Variants in CRH observed in about 807,000 individuals in gnomAD.
The protein encoded by CRH is corticotropin-releasing hormone.
A neutral mutation model predicts 11.1 loss-of-function variants in CRH; 6 were observed. The ratio of observed to expected loss-of-function variants is 0.54; its 90% CI spans 0.30 to 1.07. The LOEUF is 1.07. CRH is among the 50% of genes least tolerant of loss of function. The probability of loss-of-function intolerance (pLI) is 0.07; values close to 1 mark genes in which losing one functional copy is unlikely to be tolerated. For missense variants in CRH, 289 were observed against 269.4 expected (o/e 1.07, Z -0.51); for synonymous variants, 155 against 132.0 (o/e 1.17, Z -1.19).
rs1181971086 is a variant in CRH, at chr8:66,177,288, C to A, written c.190G>T (p.Val64Phe). ...TACTCCTCTCCCATGCGGAGCAGGA[C>A]CGGCCGAGCCTGCGGCTGCTGGGGC... ...EQPQQPQARP[V>F]LLRMGEEYFL... Residue 64 changes from valine (V) to phenylalanine (F), a missense_variant, in exon 2 of 2, where the codon GTC becomes TTC. Physicochemically the swap from Val to Phe is conservative, Grantham distance 50. Coordinates refer to ENST00000276571, the MANE Select transcript of CRH (RefSeq NM_000756.4). 2 of 1,551,648 alleles carry A rather than the reference C, an allele frequency of 1.3e-6. No homozygotes were observed. The highest frequency in any genetic ancestry group is 1.7e-6 in the Non-Finnish European group (2 of 1,152,892).
In CRH at chr8:66,177,365, G is replaced by A. The variant is rs1453457820; in HGVS notation, c.113C>T (p.Pro38Leu). 2 of 1,543,714 alleles carry A rather than the reference G, an allele frequency of 1.3e-6. No individual in the cohort carries two copies. Among genetic ancestry groups the A allele is most frequent in the Non-Finnish European group, 1.7e-6 (2 of 1,148,956 alleles). Residue 38 changes from proline to leucine, a missense_variant, in exon 2 of 2, where the codon CCG becomes CTG. Pro to Leu is a moderately conservative substitution (Grantham distance 98, BLOSUM62 -3). This residue lies in a region of CRH where 261 missense variants were observed against 219.0 expected (regional missense o/e 1.19). Coordinates refer to ENST00000276571, the MANE Select transcript of CRH (RefSeq NM_000756.4). ...GAAATCCAAGGGCTGAGGGTGCTGC[G>A]GCGCCTGCCGAGCTCCCGGGACCGG... ...RGPVPGARQA[P>L]QHPQPLDFFQ... is the part of the protein sequence containing the mutation.
At position 66,176,723 on chromosome 8, in the gene CRH, G is replaced by A; in HGVS notation, c.*164C>T. Reference sequence around the variant, plus strand: ...GCTGCTGCACGTGAATACACTTTGTGCATGCTAAGTAAGGGGTATAGGCTC... The same window carrying A: ...GCTGCTGCACGTGAATACACTTTGTACATGCTAAGTAAGGGGTATAGGCTC... On this transcript the variant is annotated 3_prime_UTR_variant, in exon 2 of 2. Coordinates refer to ENST00000276571, the MANE Select transcript of CRH (RefSeq NM_000756.4). The A allele has an allele frequency of 3.9e-6, 3 of 770,680 alleles. No homozygotes were observed. Among genetic ancestry groups the A allele is most frequent in the Non-Finnish European group, 5.6e-6 (3 of 532,204 alleles). The allele number at this position is 770,680 out of a possible 1,614,324, so 47.7% of individuals were successfully genotyped here. A position where few individuals can be genotyped will look rare whatever the true frequency, so the allele number is the denominator to read the frequency against.
Position 66,177,109 on chromosome 8 carries a change from C to A in CRH, c.369G>T (p.Arg123=). The change falls in exon 2 of 2, where the codon CGG becomes CGT. Residue 123 remains arginine, a synonymous_variant. Transcript: ENST00000276571. ...GAGCCGCGGGGCTGTCGAGCGAGCG[C>A]CGAGGCAGCAGCAGCTGCTGCAGCA... ...RVLLQQLLLP[R]RSLDSPAALA... The A allele has an allele frequency of 6.3e-7, 1 of 1,575,286 alleles. No individual in the cohort carries two copies. The highest frequency in any genetic ancestry group is 2.3e-5 in the East Asian group (1 of 43,030).
intron 1 of CRH, among the ~76,000 whole-genome samples, chr8:66,178,007 T>G (rs1422482486): frequency 6.6e-6 from 1 of 152,146 alleles, no homozygotes; most frequent in Non-Finnish European, 1.5e-5. Flanking sequence ...AAGGAGCAAC[T>G]GGCAGCACGG....
chr8:66,178,213 G>A lies in CRH; in HGVS notation c.-15+80C>T, dbSNP rs558858422. The A allele has an allele frequency of 1.2e-3, 177 of 152,760 alleles. 1 individual carries two copies. The highest frequency in any genetic ancestry group is 4.1e-3 in the South Asian group (20 of 4,846). 9.5% of individuals were successfully genotyped at this position (152,760 alleles called of 1,614,324 possible). ...ATGCATACACACGTACACAGGCAGG[G>A]GCAGCCGGCTCCGCGGCGCACATCG... On this transcript the variant is annotated intron_variant, in intron 1 of 1. Coordinates refer to ENST00000276571, the MANE Select transcript of CRH (RefSeq NM_000756.4).
rs917895329 is a variant in CRH at position 66,176,604 on chromosome 8, A to G, written c.*283T>C. The G allele has an allele frequency of 1.7e-5, 4 of 229,474 alleles. No individual in the cohort carries two copies. The allele number at this position is 229,474 out of a possible 1,614,324, so 14.2% of individuals were successfully genotyped here. ...GACTTCTGTCTGCTTTTTCAAACAA[A>G]ACGTTTTCTCACAGGTCTACATTCT... On this transcript the variant is annotated 3_prime_UTR_variant, in exon 2 of 2. Coordinates refer to ENST00000276571, the MANE Select transcript of CRH (RefSeq NM_000756.4).
chr8:66,177,722 T>C (rs998404100), intron 1 of CRH, among the ~76,000 whole-genome samples: 1 of 152,110 alleles, frequency 6.6e-6, no homozygotes, highest in Non-Finnish European at 1.5e-5. Context: ...GCTCATGCGC[T>C]CACCGGCCAG....
chr8:66,176,836 T>C lies in CRH; in HGVS notation c.*51A>G. 1.3e-6 allele frequency: 2 copies of C among 1,534,670 alleles called. No homozygotes were observed. Among genetic ancestry groups the C allele is most frequent in the Non-Finnish European group, 8.7e-7 (1 of 1,143,276 alleles). On this transcript the variant is annotated 3_prime_UTR_variant, in exon 2 of 2. Transcript: ENST00000276571. ...CTATGGTACAGAATACTGTATTTTT[T>C]TAAATTTTTTTTGTGCTAAATGCAG... is the stretch of plus-strand genomic sequence containing the variant.
In CRH at chr8:66,176,741, A is replaced by G. The variant is rs1363452090; in HGVS notation, c.*146T>C. The G allele has an allele frequency of 9.9e-7, 1 of 1,005,786 alleles. No individual in the cohort carries two copies. The highest frequency in any genetic ancestry group is 1.4e-6 in the Non-Finnish European group (1 of 724,634). The allele number at this position is 1,005,786 out of a possible 1,614,324, so 62.3% of individuals were successfully genotyped here. ...ACTTTGTGCATGCTAAGTAAGGGGT[A>G]TAGGCTCTCTCCCTCTCTCCCTCTA... is the stretch of plus-strand genomic sequence containing the variant. On this transcript the variant is annotated 3_prime_UTR_variant, in exon 2 of 2. Transcript: ENST00000276571.
rs759854322 is a variant in CRH at position 66,176,938 on chromosome 8, T to C, written c.540A>G (p.Leu180=). The change falls in exon 2 of 2, where the codon TTA becomes TTG. Residue 180 remains leucine, a synonymous_variant. Coordinates refer to ENST00000276571, the MANE Select transcript of CRH (RefSeq NM_000756.4). ...EVLEMARAEQ[L]AQQAHSNRKL... ...TCCTGTTGCTGTGAGCTTGCTGTGC[T>C]AACTGCTCGGCCCTGGCCATTTCCA... 11 of 1,613,694 alleles carry C rather than the reference T, an allele frequency of 6.8e-6. No individual in the cohort carries two copies. The highest frequency in any genetic ancestry group is 1.1e-5 in the South Asian group (1 of 91,062).
In CRH at chr8:66,176,482, CA is replaced by C; in HGVS notation, c.*404del. 1 of 153,696 alleles carries C rather than the reference CA, an allele frequency of 6.5e-6. No homozygotes were observed. The highest frequency in any genetic ancestry group is 1.4e-5 in the Non-Finnish European group (1 of 69,056). The allele number at this position is 153,696 out of a possible 1,614,324, so 9.5% of individuals were successfully genotyped here. On this transcript the variant is annotated 3_prime_UTR_variant, in exon 2 of 2. Coordinates refer to ENST00000276571, the MANE Select transcript of CRH (RefSeq NM_000756.4). ...AGATGTTTTATTACTGAAACGTTTA[CA>C]AGAGAAAGTTGTTTCAAAGAGCTTA...
Position 66,177,158 on chromosome 8 carries a change from G to T in CRH, c.320C>A (p.Ala107Glu). ...GSGSRPSPEQATANFFRVLLQ... is the reference protein window; with the variant it reads ...GSGSRPSPEQETANFFRVLLQ... ...CAACACGCGGAAAAAGTTGGCGGTC[G>T]CCTGTTCCGGCGAAGGGCGGCTGCC... The change falls in exon 2 of 2, where the codon GCG (alanine) becomes GAG (glutamate). Residue 107 changes from alanine (A) to glutamate (E), a missense_variant. Around this residue, in one of 2 missense-constraint regions of CRH, gnomAD observed 261 missense variants for 219.0 expected, o/e 1.19. Transcript: ENST00000276571. 1.3e-6 allele frequency: 2 copies of T among 1,542,580 alleles called. No homozygotes were observed. The highest frequency in any genetic ancestry group is 1.4e-5 in the African/African-American group (1 of 73,006).
In CRH at chr8:66,177,399, T is replaced by C; in HGVS notation, c.79A>G (p.Ser27Gly). Residue 27 changes from serine (S) to glycine (G), a missense_variant, in exon 2 of 2, where the codon AGC (serine) becomes GGC (glycine). Physicochemically the swap from Ser to Gly is moderately conservative, Grantham distance 56 (BLOSUM62 0). Around this residue, in one of 2 missense-constraint regions of CRH, gnomAD observed 261 missense variants for 219.0 expected, o/e 1.19. Coordinates refer to ENST00000276571, the MANE Select transcript of CRH (RefSeq NM_000756.4). Reference protein sequence around the residue: ...LPCPPCRALLSRGPVPGARQA... With the variant: ...LPCPPCRALLGRGPVPGARQA... Reference sequence around the variant, plus strand: ...CGAGCTCCCGGGACCGGCCCGCGGCTCAGGAGCGCCCTGCATGGCGGGCAG... The same window carrying C: ...CGAGCTCCCGGGACCGGCCCGCGGCCCAGGAGCGCCCTGCATGGCGGGCAG... 2 of 1,539,696 alleles carry C rather than the reference T, an allele frequency of 1.3e-6. No homozygotes were observed. The highest frequency in any genetic ancestry group is 1.7e-6 in the Non-Finnish European group (2 of 1,146,818).
chr8:66,177,326 G>A lies in CRH; in HGVS notation c.152C>T (p.Pro51Leu). 8.4e-6 allele frequency: 13 copies of A among 1,553,604 alleles called. No homozygotes were observed. Among genetic ancestry groups the A allele is most frequent in the Non-Finnish European group, 1.1e-5 (13 of 1,154,318 alleles). Reference sequence around the variant, plus strand: ...CGGCTGCTGGGGCTGCTCGGACTGCGGCGGCGGCTGGAAGAAATCCAAGGG... The same window carrying A: ...CGGCTGCTGGGGCTGCTCGGACTGCAGCGGCGGCTGGAAGAAATCCAAGGG... The part of the protein sequence containing the change: ...PQPLDFFQPP[P>L]QSEQPQQPQA... Residue 51 changes from proline (P) to leucine (L), a missense_variant, in exon 2 of 2, where the codon CCG becomes CTG. Coordinates refer to ENST00000276571, the MANE Select transcript of CRH (RefSeq NM_000756.4).
At position 66,177,434 on chromosome 8, in the gene CRH, G is replaced by C. The variant is rs898830966; in HGVS notation, c.44C>G (p.Ala15Gly). Residue 15 changes from alanine to glycine, a missense_variant, in exon 2 of 2, where the codon GCT (alanine) becomes GGT (glycine). By Grantham distance (60) the Ala-to-Gly change is moderately conservative. Transcript: ENST00000276571. ...CCTGCATGGCGGGCAGGGCAGGAGAGCCACCAGCAGGACTCCCGCGGACAC... is the reference window on the plus strand; with the variant it reads ...CCTGCATGGCGGGCAGGGCAGGAGACCCACCAGCAGGACTCCCGCGGACAC... Reference protein sequence around the residue: ...LLVSAGVLLVALLPCPPCRAL... With the variant: ...LLVSAGVLLVGLLPCPPCRAL... 9 of 1,538,890 alleles carry C rather than the reference G, an allele frequency of 5.8e-6. No homozygotes were observed. The South Asian group carries it at 1.1e-4, about 18-fold the overall frequency.
chr8:66,177,442 C>A lies in CRH; in HGVS notation c.36G>T (p.Leu12=). ...RLPLLVSAGV[L]LVALLPCPPC... ...GCGGGCAGGGCAGGAGAGCCACCAG[C>A]AGGACTCCCGCGGACACAAGCAGCG... is the stretch of plus-strand genomic sequence containing the variant. The change falls in exon 2 of 2, where the codon CTG becomes CTT. Residue 12 remains leucine (L), a synonymous_variant. Coordinates refer to ENST00000276571, the MANE Select transcript of CRH (RefSeq NM_000756.4). 1 of 1,538,472 alleles carries A rather than the reference C, an allele frequency of 6.5e-7. No homozygotes were observed. The highest frequency in any genetic ancestry group is 8.7e-7 in the Non-Finnish European group (1 of 1,147,018).
rs1811913387 is a variant in CRH, at chr8:66,177,138, C to T, written c.340G>A (p.Val114Met). The change falls in exon 2 of 2, where the codon GTG (valine) becomes ATG (methionine). Residue 114 changes from valine (V) to methionine (M), a missense_variant. Coordinates refer to ENST00000276571, the MANE Select transcript of CRH (RefSeq NM_000756.4). ...PEQATANFFRVLLQQLLLPRR... is the reference protein window; with the variant it reads ...PEQATANFFRMLLQQLLLPRR... ...GGCAGCAGCAGCTGCTGCAGCAACA[C>T]GCGGAAAAAGTTGGCGGTCGCCTGT... 1 of 1,550,682 alleles carries T rather than the reference C, an allele frequency of 6.4e-7. No homozygotes were observed. The highest frequency in any genetic ancestry group is 8.7e-7 in the Non-Finnish European group (1 of 1,147,834).
In CRH at chr8:66,178,161, T is replaced by TAC. The variant is rs373513072; in HGVS notation, c.-15+130_-15+131dup. On this transcript the variant is annotated intron_variant, in intron 1 of 1. Coordinates refer to ENST00000276571, the MANE Select transcript of CRH (RefSeq NM_000756.4). The stretch of plus-strand genomic sequence containing the variant: ...ACACACATACGCATACACACATGCA[T>TAC]ACACACACACACACGCACGCACACA... 3.3e-3 allele frequency: 508 copies of TAC among 153,934 alleles called. 5 individuals are homozygous for TAC. The highest frequency in any genetic ancestry group is 0.011 in the African/African-American group (466 of 41,220). The allele number at this position is 153,934 out of a possible 1,614,324, so 9.5% of individuals were successfully genotyped here.
chr8:66,177,282 G>A lies in CRH; in HGVS notation c.196C>T (p.Leu66Phe), dbSNP rs769557933. ...AGGAAGTACTCCTCTCCCATGCGGAGCAGGACCGGCCGAGCCTGCGGCTGC... is the reference window on the plus strand; with the variant it reads ...AGGAAGTACTCCTCTCCCATGCGGAACAGGACCGGCCGAGCCTGCGGCTGC... ...PQQPQARPVL[L>F]RMGEEYFLRL... The change falls in exon 2 of 2, where the codon CTC becomes TTC. Residue 66 changes from leucine to phenylalanine, a missense_variant. By Grantham distance (22) the Leu-to-Phe change is conservative. Around this residue, in one of 2 missense-constraint regions of CRH, gnomAD observed 261 missense variants for 219.0 expected, o/e 1.19. Transcript: ENST00000276571. 13 of 1,549,874 alleles carry A rather than the reference G, an allele frequency of 8.4e-6. No homozygotes were observed. The highest frequency in any genetic ancestry group is 8.7e-6 in the Non-Finnish European group (10 of 1,151,848).
Sources: gnomAD v4.1 joint callset for allele counts (sites outside exome capture counted in the v4.1 genomes callset) on GRCh38, gnomAD v4.1.1 for gene constraint, gnomAD v4.1.1 regional missense constraint, MANE v1.5 for transcripts, NCBI Gene and HGNC (gene_info 2026-07-23, HGNC 2026-07-21) for gene names.